Variants in PIK3AP1 observed in about 807,000 individuals in gnomAD.
PIK3AP1 encodes the protein phosphoinositide 3-kinase adapter protein 1.
PIK3AP1 carries 21 observed loss-of-function variants against 88.1 expected under a neutral mutation model. That is an observed-to-expected ratio of 0.24 (90% CI 0.17 to 0.34). PIK3AP1 has a LOEUF of 0.34. PIK3AP1 is among the 10% of genes least tolerant of loss of function. PIK3AP1 has a pLI of 1.00. For synonymous variants in PIK3AP1, 398 were observed against 400.0 expected (o/e 1.00, Z 0.06); for missense variants, 828 against 1,035.7 (o/e 0.80, Z 2.75).
intron 2 of PIK3AP1, among the ~76,000 whole-genome samples, chr10:96,691,502 G>A (rs556233806): frequency 1.3e-5 from 2 of 152,216 alleles, no homozygotes; most frequent in East Asian, 3.9e-4. Context: ...TTTCTTGGAT[G>A]GGGGAGGTGG....
intron 2 of PIK3AP1, 102 bp downstream of exon 2, chr10:96,709,463 CTT>C (rs1432490271): frequency 2.9e-6 from 4 of 1,387,748 alleles, no homozygotes; most frequent in African/African-American, 1.4e-5. Context: ...GACCAGGTCT[CTT>C]AACATAGTGA....
At chr10:96,660,880 A>G (rs1005035609) in intron 2 of PIK3AP1, among the ~76,000 whole-genome samples, 4 of 152,178 alleles carry the variant, frequency 2.6e-5, no homozygotes, top group Non-Finnish European at 4.4e-5. Context: ...AATGCATATT[A>G]CTAAGTGAAA....
chr10:96,688,921 A>C (rs1037446521), intron 2 of PIK3AP1, among the ~76,000 whole-genome samples: 1 of 151,974 alleles, frequency 6.6e-6, no homozygotes, highest in African/African-American at 2.4e-5. Context: ...GGTAGGATCT[A>C]CATGTGCTTA....
rs1564966147 is a variant in PIK3AP1 at position 96,641,127 on chromosome 10, G to GTA, written c.1375+4345_1375+4346insTA. Among the ~76,000 whole-genome samples the GTA allele has an allele frequency of 2.7e-5, 4 of 147,676 alleles. No homozygotes were observed. In the East Asian group the frequency reaches 6.1e-4, roughly 22 times the overall value. ...TGTGTGTGTGTGTGTGTGTGTGTGC[G>GTA]TGTGCATGTATACACCCACGCAAGC... On this transcript the variant is annotated intron_variant, in intron 8 of 16. Transcript: ENST00000339364.
At chr10:96,715,686 C>A (rs1370526120) in intron 1 of PIK3AP1, among the ~76,000 whole-genome samples, 1 of 151,900 alleles carries the variant, frequency 6.6e-6, no homozygotes, top group African/African-American at 2.4e-5. Flanking sequence ...GTCAGGAGAT[C>A]GAGACCATCC....
intron 2 of PIK3AP1, among the ~76,000 whole-genome samples, chr10:96,691,066 G>A (rs943781981): frequency 2.6e-5 from 4 of 152,140 alleles, no homozygotes; most frequent in Non-Finnish European, 4.4e-5. Context: ...AACTGCACCC[G>A]TTCCCTGCCC....
intron 8 of PIK3AP1, among the ~76,000 whole-genome samples, chr10:96,632,678 G>T (rs1487567274): frequency 6.6e-6 from 1 of 152,200 alleles, no homozygotes; most frequent in Admixed American, 6.5e-5. Flanking sequence ...CAATGTAGGT[G>T]GCTAAATATC....
intron 8 of PIK3AP1, among the ~76,000 whole-genome samples, chr10:96,637,290 G>C (rs1027457051): frequency 6.7e-6 from 1 of 149,308 alleles, no homozygotes; most frequent in South Asian, 2.2e-4. Context: ...AAGAGGGAGA[G>C]GAAGATGTGG....
chr10:96,711,108 T>A (rs57710486), intron 1 of PIK3AP1, among the ~76,000 whole-genome samples: 3 of 152,140 alleles, frequency 2.0e-5, no homozygotes, highest in Admixed American at 2.0e-4. Flanking sequence ...TAGGGATCAC[T>A]TGGCCCAAAC....
chr10:96,671,531 G>C, intron 2 of PIK3AP1, among the ~76,000 whole-genome samples: 1 of 152,166 alleles, frequency 6.6e-6, no homozygotes, highest in East Asian at 1.9e-4. Context: ...CTGATGGTAA[G>C]AGGGTCAGTG....
rs772798528 is a variant in PIK3AP1, at chr10:96,620,516, T to C, written c.1777A>G (p.Ile593Val). 7 of 1,613,550 alleles carry C rather than the reference T, an allele frequency of 4.3e-6. No homozygotes were observed. The highest frequency in any genetic ancestry group is 2.2e-5 in the East Asian group (1 of 44,890). The change falls in exon 12 of 17, where the codon ATA becomes GTA. Residue 593 changes from isoleucine (I) to valine (V), a missense_variant. Ile to Val is a conservative substitution (Grantham distance 29). This residue lies in a region of PIK3AP1 where 610 missense variants were observed against 760.1 expected (regional missense o/e 0.80). Transcript: ENST00000339364. Reference protein sequence around the residue: ...RPWRDRPQSSIYDPFAGMKTP... With the variant: ...RPWRDRPQSSVYDPFAGMKTP... ...TTCATTCCCGCAAAAGGGTCATATA[T>C]ACTCGACTGGGGCCTGTCCCTCCAT...
intron 16 of PIK3AP1, among the ~76,000 whole-genome samples, chr10:96,600,206 C>T (rs1468650508): frequency 6.6e-6 from 1 of 152,184 alleles, no homozygotes; most frequent in African/African-American, 2.4e-5. Context: ...CAAGTCTCAG[C>T]CCAATCTCAA....
intron 14 of PIK3AP1, among the ~76,000 whole-genome samples, 196 bp downstream of exon 14, chr10:96,609,516 C>T (rs1024267959): frequency 1.3e-5 from 2 of 152,212 alleles, no homozygotes; most frequent in East Asian, 1.9e-4. Context: ...ATAATTATCA[C>T]GTAACTAGGT....
chr10:96,609,695 C>T lies in PIK3AP1; in HGVS notation c.2170+17G>A, dbSNP rs2134189475. Reference sequence around the variant, plus strand: ...CCCAGTCAAGAAGACCCCACCCCCGCACCCCCAGCTGCTCACTTGCTGTGC... The same window carrying T: ...CCCAGTCAAGAAGACCCCACCCCCGTACCCCCAGCTGCTCACTTGCTGTGC... On this transcript the variant is annotated intron_variant, in intron 14 of 16. Coordinates refer to ENST00000339364, the MANE Select transcript of PIK3AP1 (RefSeq NM_152309.3). 1.9e-6 allele frequency: 3 copies of T among 1,610,230 alleles called. No homozygotes were observed. Among genetic ancestry groups the T allele is most frequent in the Non-Finnish European group, 2.5e-6 (3 of 1,178,174 alleles).
chr10:96,697,256 C>T (rs1844234019), intron 2 of PIK3AP1, among the ~76,000 whole-genome samples: 1 of 152,172 alleles, frequency 6.6e-6, no homozygotes, highest in Non-Finnish European at 1.5e-5. Context: ...AGCAATAACA[C>T]AAACCAATAC....
chr10:96,613,546 A>C (rs1404925567), intron 13 of PIK3AP1, among the ~76,000 whole-genome samples: 2 of 152,162 alleles, frequency 1.3e-5, no homozygotes, highest in Non-Finnish European at 2.9e-5. Context: ...CTCTCCCGAA[A>C]ATATCCTTGT....
intron 2 of PIK3AP1, among the ~76,000 whole-genome samples, chr10:96,690,629 C>T (rs1844140744): frequency 1.3e-5 from 2 of 152,196 alleles, no homozygotes; most frequent in Admixed American, 1.3e-4. Context: ...CCAGATCGCT[C>T]ATCTTTGTGT....
chr10:96,648,923 A>G, intron 6 of PIK3AP1, 68 bp from the exon 7 acceptor site: 1 of 1,351,142 alleles, frequency 7.4e-7, no homozygotes, highest in Non-Finnish European at 9.9e-7. Context: ...TTGTTCATGG[A>G]GATGAAGCTG....
chr10:96,651,257 T>C lies in PIK3AP1; in HGVS notation c.979A>G (p.Met327Val). The C allele has an allele frequency of 6.2e-7, 1 of 1,614,268 alleles. No individual in the cohort carries two copies. The highest frequency in any genetic ancestry group is 8.5e-7 in the Non-Finnish European group (1 of 1,180,042). The change falls in exon 6 of 17, where the codon ATG (methionine) becomes GTG (valine). Residue 327 changes from methionine (M) to valine (V), a missense_variant. By Grantham distance (21) the Met-to-Val change is conservative. This residue lies in a region of PIK3AP1 where 610 missense variants were observed against 760.1 expected (regional missense o/e 0.80). Transcript: ENST00000339364. ...FGINQLEEED[M>V]MTNQRDEELP... ...TTGACTGTCAACTTACTTGTCATCATATCTTCTTCTTCCAGCTGGTTGATT... is the reference window on the plus strand; with the variant it reads ...TTGACTGTCAACTTACTTGTCATCACATCTTCTTCTTCCAGCTGGTTGATT...
Sources: allele counts gnomAD v4.1 joint callset (sites outside exome capture counted in the v4.1 genomes callset), GRCh38; gene constraint gnomAD v4.1.1; regional missense constraint gnomAD v4.1.1; transcripts MANE v1.5; gene names NCBI Gene and HGNC (gene_info 2026-07-23, HGNC 2026-07-21).